The following RNF225 variants were observed in gnomAD, a reference collection of about 807,000 sequenced individuals.
RNF225 encodes the protein ring finger protein 225.
For missense variants in RNF225, 510 were observed against 509.8 expected (o/e 1.00, Z 0.00); for synonymous variants, 295 against 260.4 (o/e 1.13, Z -1.28).
At position 58,396,839 on chromosome 19, in the gene RNF225, G is replaced by A. The variant is rs779569585; in HGVS notation, c.750G>A (p.Pro250=). ...APAPGFSWFP[P]RPPPGSPWAP... ...CGCCTGGCTTCTCTTGGTTTCCGCC[G>A]AGGCCCCCGCCGGGGTCGCCCTGGG... The change falls in exon 1 of 1, where the codon CCG becomes CCA. Residue 250 remains proline (P), a synonymous_variant. Transcript: ENST00000601382. 18 of 1,519,848 alleles carry A rather than the reference G, an allele frequency of 1.2e-5. No individual in the cohort carries two copies. Among genetic ancestry groups the A allele is most frequent in the Admixed American group, 8.0e-5 (4 of 49,786 alleles). 94.1% of individuals were successfully genotyped at this position (1,519,848 alleles called of 1,614,324 possible). A position where few individuals can be genotyped will look rare whatever the true frequency, so the allele number is the denominator to read the frequency against.
chr19:58,396,160 G>T lies in RNF225; in HGVS notation c.71G>T (p.Gly24Val). The change falls in exon 1 of 1, where the codon GGC (glycine) becomes GTC (valine). Residue 24 changes from glycine (G) to valine (V), a missense_variant. Coordinates refer to ENST00000601382, the MANE Select transcript of RNF225 (RefSeq NM_001195135.2). ...CAGGGCTCGGGTCCCAGCTCCCCAG[G>T]CTCGCTCTCTGCGCCCCGCTCCCCA... ...APQGSGPSSP[G>V]SLSAPRSPSR... The T allele has an allele frequency of 2.0e-6, 3 of 1,535,080 alleles. No homozygotes were observed. The highest frequency in any genetic ancestry group is 2.6e-6 in the Non-Finnish European group (3 of 1,146,980).
At position 58,396,141 on chromosome 19, in the gene RNF225, T is replaced by C. The variant is rs1446920677; in HGVS notation, c.52T>C (p.Ser18Pro). The change falls in exon 1 of 1, where the codon TCG (serine) becomes CCG (proline). Residue 18 changes from serine (S) to proline (P), a missense_variant. Transcript: ENST00000601382. ...CCGCCATTCCCGGGCCCCCCAGGGC[T>C]CGGGTCCCAGCTCCCCAGGCTCGCT... ...WLRHSRAPQG[S>P]GPSSPGSLSA... 8.5e-6 allele frequency: 13 copies of C among 1,533,164 alleles called. 1 individual carries two copies. In the South Asian group the frequency reaches 1.6e-4, roughly 18 times the overall value. 95.0% of individuals were successfully genotyped at this position (1,533,164 alleles called of 1,614,324 possible). A position where few individuals can be genotyped will look rare whatever the true frequency, so the allele number is the denominator to read the frequency against.
rs2052405345 is a variant in RNF225, at chr19:58,397,021, C to T, written c.932C>T (p.Ala311Val). ...TCGGATGGCACGTGGGGCACAGAGG[C>T]TGGCCCCGGCTGGGCCCCGTGGCCA... ...RRSDGTWGTE[A>V]GPGWAPWPRG... The change falls in exon 1 of 1, where the codon GCT becomes GTT. Residue 311 changes from alanine to valine, a missense_variant. Ala to Val is a moderately conservative substitution (Grantham distance 64). Coordinates refer to ENST00000601382, the MANE Select transcript of RNF225 (RefSeq NM_001195135.2). 2 of 1,532,418 alleles carry T rather than the reference C, an allele frequency of 1.3e-6. No homozygotes were observed. Among genetic ancestry groups the T allele is most frequent in the South Asian group, 1.2e-5 (1 of 83,880 alleles). 94.9% of individuals were successfully genotyped at this position (1,532,418 alleles called of 1,614,324 possible).
chr19:58,396,386 G>A lies in RNF225; in HGVS notation c.297G>A (p.Thr99=). Residue 99 remains threonine, a synonymous_variant, in exon 1 of 1, where the codon ACG becomes ACA. Transcript: ENST00000601382. ...LECLARLSLA[T]AGGGNAVACP... ...GCCTGGCGCGCCTATCGTTGGCCACGGCGGGCGGCGGCAACGCGGTGGCCT... is the reference window on the plus strand; with the variant it reads ...GCCTGGCGCGCCTATCGTTGGCCACAGCGGGCGGCGGCAACGCGGTGGCCT... 6.5e-7 allele frequency: 1 copy of A among 1,534,372 alleles called. No individual in the cohort carries two copies. Among genetic ancestry groups the A allele is most frequent in the Non-Finnish European group, 8.7e-7 (1 of 1,146,222 alleles).
Position 58,396,647 on chromosome 19 carries a change from G to A in RNF225, c.558G>A (p.Ser186=). Residue 186 remains serine (S), a synonymous_variant, in exon 1 of 1, where the codon TCG becomes TCA. Coordinates refer to ENST00000601382, the MANE Select transcript of RNF225 (RefSeq NM_001195135.2). ...PPPLRLGRPL[S]RRLSLASPAW... is the part of the protein sequence containing the mutation. ...CTCTGCGCCTGGGCCGCCCGCTGTCGCGCCGCTTGTCGCTGGCCAGCCCGG... is the reference window on the plus strand; with the variant it reads ...CTCTGCGCCTGGGCCGCCCGCTGTCACGCCGCTTGTCGCTGGCCAGCCCGG... 4.9e-6 allele frequency: 7 copies of A among 1,421,696 alleles called. No individual in the cohort carries two copies. Among genetic ancestry groups the A allele is most frequent in the Non-Finnish European group, 6.4e-6 (7 of 1,094,108 alleles). 88.1% of individuals were successfully genotyped at this position (1,421,696 alleles called of 1,614,324 possible).
chr19:58,396,747 T>C lies in RNF225; in HGVS notation c.658T>C (p.Phe220Leu). The change falls in exon 1 of 1, where the codon TTC (phenylalanine) becomes CTC (leucine). Residue 220 changes from phenylalanine (F) to leucine (L), a missense_variant. Physicochemically the swap from Phe to Leu is conservative, Grantham distance 22 (BLOSUM62 0). Coordinates refer to ENST00000601382, the MANE Select transcript of RNF225 (RefSeq NM_001195135.2). ...CCTCGTGGTCTCGGGCGTCTACATC[T>C]TCTTCCTCATCCCGCACGCCACCTC... Reference protein sequence around the residue: ...AGLVVSGVYIFFLIPHATSSG... With the variant: ...AGLVVSGVYILFLIPHATSSG... The C allele has an allele frequency of 6.6e-7, 1 of 1,510,762 alleles. No individual in the cohort carries two copies. Among genetic ancestry groups the C allele is most frequent in the Non-Finnish European group, 8.8e-7 (1 of 1,137,168 alleles). The allele number at this position is 1,510,762 out of a possible 1,614,324, so 93.6% of individuals were successfully genotyped here. A position where few individuals can be genotyped will look rare whatever the true frequency, so the allele number is the denominator to read the frequency against.
rs1278771591 is a variant in RNF225, at chr19:58,396,616, C to T, written c.527C>T (p.Pro176Leu). The change falls in exon 1 of 1, where the codon CCG becomes CTG. Residue 176 changes from proline to leucine, a missense_variant. Pro to Leu is a moderately conservative substitution (Grantham distance 98). Coordinates refer to ENST00000601382, the MANE Select transcript of RNF225 (RefSeq NM_001195135.2). ...CGCAAGGCCCGCGCCCCGCCGCCCC[C>T]GCCGCCTCTGCGCCTGGGCCGCCCG... ...GPRKARAPPP[P>L]PPLRLGRPLS... 1.6e-6 allele frequency: 2 copies of T among 1,234,018 alleles called. No homozygotes were observed. The highest frequency in any genetic ancestry group is 2.0e-6 in the Non-Finnish European group (2 of 989,508). 76.4% of individuals were successfully genotyped at this position (1,234,018 alleles called of 1,614,324 possible). A position where few individuals can be genotyped will look rare whatever the true frequency, so the allele number is the denominator to read the frequency against.
rs1261578766 is a variant in RNF225 at position 58,397,053 on chromosome 19, G to A, written c.964G>A (p.Ala322Thr). Residue 322 changes from alanine (A) to threonine (T), a missense_variant, in exon 1 of 1, where the codon GCG becomes ACG. By Grantham distance (58) the Ala-to-Thr change is moderately conservative. Transcript: ENST00000601382. ...GPGWAPWPRGARRLWGSQ is the reference protein window; with the variant it reads ...GPGWAPWPRGTRRLWGSQ The stretch of plus-strand genomic sequence containing the variant: ...CGGCTGGGCCCCGTGGCCACGGGGC[G>A]CGAGGAGGCTGTGGGGCTCACAATA... 2.6e-6 allele frequency: 4 copies of A among 1,526,382 alleles called. No homozygotes were observed. Among genetic ancestry groups the A allele is most frequent in the African/African-American group, 2.8e-5 (2 of 72,130 alleles). 94.6% of individuals were successfully genotyped at this position (1,526,382 alleles called of 1,614,324 possible).
Position 58,396,192 on chromosome 19 carries a change from G to A in RNF225, c.103G>A (p.Gly35Arg). The A allele has an allele frequency of 1.3e-6, 2 of 1,543,056 alleles. No homozygotes were observed. Among genetic ancestry groups the A allele is most frequent in the Non-Finnish European group, 1.7e-6 (2 of 1,151,338 alleles). ...CTCTGCGCCCCGCTCCCCAAGCAGAGGGGAAGACCAGGAGGAGGAGGAGGA... is the reference window on the plus strand; with the variant it reads ...CTCTGCGCCCCGCTCCCCAAGCAGAAGGGAAGACCAGGAGGAGGAGGAGGA... The part of the protein sequence containing the change: ...SLSAPRSPSR[G>R]EDQEEEEEEE... The change falls in exon 1 of 1, where the codon GGG becomes AGG. Residue 35 changes from glycine (G) to arginine (R), a missense_variant. Physicochemically the swap from Gly to Arg is moderately radical, Grantham distance 125. Transcript: ENST00000601382.
Position 58,395,835 on chromosome 19 carries a change from GTC to G in RNF225, c.-250_-249del, listed in dbSNP as rs572701201. On this transcript the variant is annotated 5_prime_UTR_variant, in exon 1 of 1. Transcript: ENST00000601382. ...CCATCTCCGTGTTCAACTGCGGTCT[GTC>G]TCTCCGTTTCCAATTCAGGAACTGG... is the stretch of plus-strand genomic sequence containing the variant. Among the ~76,000 whole-genome samples the G allele has an allele frequency of 4.3e-4, 66 of 152,194 alleles. 1 individual carries two copies. In the South Asian group the frequency reaches 6.4e-3, roughly 15 times the overall value.
chr19:58,396,968 G>A lies in RNF225; in HGVS notation c.879G>A (p.Ala293=). ...LEPEAGPEDP[A]EAERTLDRRS... The stretch of plus-strand genomic sequence containing the variant: ...CCGAGGCGGGCCCCGAGGACCCGGC[G>A]GAGGCCGAGAGGACGCTGGACAGGC... The change falls in exon 1 of 1, where the codon GCG becomes GCA. Residue 293 remains alanine (A), a synonymous_variant. Coordinates refer to ENST00000601382, the MANE Select transcript of RNF225 (RefSeq NM_001195135.2). 4 of 1,534,282 alleles carry A rather than the reference G, an allele frequency of 2.6e-6. No individual in the cohort carries two copies. The highest frequency in any genetic ancestry group is 2.4e-5 in the South Asian group (2 of 83,996).
Position 58,396,260 on chromosome 19 carries a change from C to T in RNF225, c.171C>T (p.Pro57=), listed in dbSNP as rs2052397865. 6.5e-7 allele frequency: 1 copy of T among 1,536,336 alleles called. No individual in the cohort carries two copies. Among genetic ancestry groups the T allele is most frequent in the African/African-American group, 1.4e-5 (1 of 73,066 alleles). ...DGSPGSGPIL[P]PASPVECLIC... is the part of the protein sequence containing the mutation. ...GCCCAGGCTCCGGCCCTATCCTGCC[C>T]CCCGCCTCCCCGGTGGAGTGCCTCA... is the stretch of plus-strand genomic sequence containing the variant. Residue 57 remains proline (P), a synonymous_variant, in exon 1 of 1, where the codon CCC becomes CCT. Coordinates refer to ENST00000601382, the MANE Select transcript of RNF225 (RefSeq NM_001195135.2).
rs754587012 is a variant in RNF225, at chr19:58,395,931, C to G, written c.-159C>G. ...TCCCCATCTCCCCTGCTCCTCGACG[C>G]TAGCTACACCCTTCTCGGGATGGGG... On this transcript the variant is annotated 5_prime_UTR_variant, in exon 1 of 1. Transcript: ENST00000601382. Among the ~76,000 whole-genome samples the G allele has an allele frequency of 1.3e-5, 2 of 152,180 alleles. No individual in the cohort carries two copies. Among genetic ancestry groups the G allele is most frequent in the Non-Finnish European group, 2.9e-5 (2 of 68,012 alleles).
At position 58,395,729 on chromosome 19, in the gene RNF225, G is replaced by A. The variant is rs368576847; in HGVS notation, c.-361G>A. On this transcript the variant is annotated 5_prime_UTR_variant, in exon 1 of 1. Transcript: ENST00000601382. ...AGGAAGGCGCCCACAGGCTGGCTGCGGTCTGTCATTACTCTGTGGGGGGTG... is the reference window on the plus strand; with the variant it reads ...AGGAAGGCGCCCACAGGCTGGCTGCAGTCTGTCATTACTCTGTGGGGGGTG... Among the ~76,000 whole-genome samples the A allele has an allele frequency of 6.7e-6, 1 of 148,372 alleles. No homozygotes were observed. The highest frequency in any genetic ancestry group is 1.5e-5 in the Non-Finnish European group (1 of 67,956).
Position 58,396,357 on chromosome 19 carries a change from G to A in RNF225, c.268G>A (p.Glu90Lys). The A allele has an allele frequency of 6.5e-7, 1 of 1,535,384 alleles. No homozygotes were observed. Reference protein sequence around the residue: ...RLDCGHVFCLECLARLSLATA... With the variant: ...RLDCGHVFCLKCLARLSLATA... ...GGACTGCGGCCACGTCTTCTGTCTC[G>A]AGTGCCTGGCGCGCCTATCGTTGGC... Residue 90 changes from glutamate to lysine, a missense_variant, in exon 1 of 1, where the codon GAG becomes AAG. Transcript: ENST00000601382.
rs1324684415 is a variant in RNF225 at position 58,396,843 on chromosome 19, C to G, written c.754C>G (p.Pro252Ala). The change falls in exon 1 of 1, where the codon CCC (proline) becomes GCC (alanine). Residue 252 changes from proline to alanine, a missense_variant. Pro to Ala is a conservative substitution (Grantham distance 27). Coordinates refer to ENST00000601382, the MANE Select transcript of RNF225 (RefSeq NM_001195135.2). ...APGFSWFPPR[P>A]PPGSPWAPAW... is the part of the protein sequence containing the mutation. ...TGGCTTCTCTTGGTTTCCGCCGAGG[C>G]CCCCGCCGGGGTCGCCCTGGGCCCC... 1.3e-6 allele frequency: 2 copies of G among 1,520,118 alleles called. No individual in the cohort carries two copies. The highest frequency in any genetic ancestry group is 2.0e-5 in the Admixed American group (1 of 49,802). 94.2% of individuals were successfully genotyped at this position (1,520,118 alleles called of 1,614,324 possible). A position where few individuals can be genotyped will look rare whatever the true frequency, so the allele number is the denominator to read the frequency against.
In RNF225 at chr19:58,396,433, C is replaced by A; in HGVS notation, c.344C>A (p.Thr115Lys). The A allele has an allele frequency of 1.4e-6, 2 of 1,434,456 alleles. No individual in the cohort carries two copies. Among genetic ancestry groups the A allele is most frequent in the Non-Finnish European group, 1.8e-6 (2 of 1,106,028 alleles). The allele number at this position is 1,434,456 out of a possible 1,614,324, so 88.9% of individuals were successfully genotyped here. ...GCCTGTCCGGTGTGCCGCGCGCCCA[C>A]GCGCCTGGCCCCCCGCCGCGGACTC... The part of the protein sequence containing the change: ...AVACPVCRAP[T>K]RLAPRRGLPA... The change falls in exon 1 of 1, where the codon ACG becomes AAG. Residue 115 changes from threonine (T) to lysine (K), a missense_variant. Coordinates refer to ENST00000601382, the MANE Select transcript of RNF225 (RefSeq NM_001195135.2).
chr19:58,396,225 G>T lies in RNF225; in HGVS notation c.136G>T (p.Gly46Trp). 6.5e-7 allele frequency: 1 copy of T among 1,542,662 alleles called. No homozygotes were observed. The highest frequency in any genetic ancestry group is 1.2e-5 in the South Asian group (1 of 84,558). Residue 46 changes from glycine (G) to tryptophan (W), a missense_variant, in exon 1 of 1, where the codon GGG becomes TGG. Gly to Trp is a radical substitution (Grantham distance 184). Transcript: ENST00000601382. ...CCAGGAGGAGGAGGAGGAGGAGGAA[G>T]GGGACGGCAGCCCAGGCTCCGGCCC... is the stretch of plus-strand genomic sequence containing the variant. ...EDQEEEEEEE[G>W]DGSPGSGPIL...
rs1356822137 is a variant in RNF225, at chr19:58,396,442, C to G, written c.353C>G (p.Ala118Gly). 1 of 1,426,054 alleles carries G rather than the reference C, an allele frequency of 7.0e-7. No individual in the cohort carries two copies. The highest frequency in any genetic ancestry group is 1.5e-5 in the South Asian group (1 of 67,834). 88.3% of individuals were successfully genotyped at this position (1,426,054 alleles called of 1,614,324 possible). The change falls in exon 1 of 1, where the codon GCC becomes GGC. Residue 118 changes from alanine (A) to glycine (G), a missense_variant. Coordinates refer to ENST00000601382, the MANE Select transcript of RNF225 (RefSeq NM_001195135.2). ...CPVCRAPTRL[A>G]PRRGLPALPT... ...GTGTGCCGCGCGCCCACGCGCCTGG[C>G]CCCCCGCCGCGGACTCCCCGCGTTG... is the stretch of plus-strand genomic sequence containing the variant.
Sources: gnomAD v4.1 joint callset for allele counts (sites outside exome capture counted in the v4.1 genomes callset) on GRCh38, gnomAD v4.1.1 for gene constraint, MANE v1.5 for transcripts, NCBI Gene and HGNC (gene_info 2026-07-23, HGNC 2026-07-21) for gene names.